Variants in DCAF8L2 observed in about 807,000 individuals in gnomAD.
DCAF8L2 encodes the protein DDB1- and CUL4-associated factor 8-like protein 2.
For synonymous variants in DCAF8L2, 200 were observed against 190.9 expected (o/e 1.05, Z -0.39); for missense variants, 430 against 490.7 (o/e 0.88, Z 1.17).
At chrX:27,515,460 A>T in the DCAF8L2 span, among the ~76,000 whole-genome samples, 1 of 111,837 alleles carries the variant, frequency 8.9e-6, no homozygotes, top group African/African-American at 3.3e-5. Context: ...CAGTAGAATC[A>T]CCTGAACCTG....
At chrX:27,489,786 C>T in the DCAF8L2 span, among the ~76,000 whole-genome samples, 2 of 112,509 alleles carry the variant, frequency 1.8e-5, no homozygotes, top group African/African-American at 6.5e-5. Context: ...GCTACTGTGA[C>T]TCCATATTTT....
chrX:27,731,187 G>A (rs751604400), intron 4 of DCAF8L2, among the ~76,000 whole-genome samples: 3 of 109,790 alleles, frequency 2.7e-5, no homozygotes, highest in Non-Finnish European at 3.8e-5. Context: ...CTCCTGAGGT[G>A]TAACTCCTGA....
chrX:27,685,826 CTATCCATCTGACA>C (rs1355368364), intron 3 of DCAF8L2, among the ~76,000 whole-genome samples: 1 of 111,809 alleles, frequency 8.9e-6, no homozygotes, highest in Non-Finnish European at 1.9e-5. Flanking sequence ...TATTTTCAAA[CTATCCATCTGACA>C]ATGGATTAAT....
At chrX:27,477,504 G>C in the DCAF8L2 span, among the ~76,000 whole-genome samples, 1 of 111,212 alleles carries the variant, frequency 9.0e-6, no homozygotes, top group African/African-American at 3.3e-5. Flanking sequence ...AGCCAGGATG[G>C]TCTCGATCTC....
At position 27,662,311 on chromosome X, in the gene DCAF8L2, A is replaced by G. The variant is rs112663139; in HGVS notation, c.-219-15525A>G. On this transcript the variant is annotated intron_variant, in intron 2 of 4. Transcript: ENST00000451261. The stretch of plus-strand genomic sequence containing the variant: ...AGCATCAAATCATAAAAATTAGTCT[A>G]TTTATTCTTAGGAAGAATATATATG... 7.5e-3 allele frequency among the ~76,000 whole-genome samples: 838 copies of G among 111,557 alleles called. 2 individuals are homozygous for G. Among genetic ancestry groups the G allele is most frequent in the African/African-American group, 0.025 (771 of 30,681 alleles).
chrX:27,489,614 A>G, the DCAF8L2 span, among the ~76,000 whole-genome samples: 3 of 112,370 alleles, frequency 2.7e-5, no homozygotes, highest in African/African-American at 9.7e-5. Context: ...TAATGCTCCC[A>G]TGACCTTCAT....
At chrX:27,732,016 T>G (rs951576320) in intron 4 of DCAF8L2, among the ~76,000 whole-genome samples, 2 of 111,111 alleles carry the variant, frequency 1.8e-5, no homozygotes, top group African/African-American at 6.6e-5. Context: ...TGTTGTTGTT[T>G]TTATTGTATA....
Position 27,631,905 on chromosome X carries a change from C to T in DCAF8L2, c.-315C>T, listed in dbSNP as rs887681135. The T allele has an allele frequency of 8.9e-6, 1 of 111,866 alleles. No homozygotes were observed. Among genetic ancestry groups the T allele is most frequent in the African/African-American group, 3.3e-5 (1 of 30,759 alleles). 9.2% of individuals were successfully genotyped at this position (111,866 alleles called of 1,213,427 possible). A position where few individuals can be genotyped will look rare whatever the true frequency, so the allele number is the denominator to read the frequency against. On this transcript the variant is annotated 5_prime_UTR_variant, in exon 2 of 5. Coordinates refer to ENST00000451261, the MANE Select transcript of DCAF8L2 (RefSeq NM_001353450.2). ...TTTTGGTATACTGAGCCTGGGGCTACTGGTGTCAGCCTGGTGGTAGTGCAG... is the reference window on the plus strand; with the variant it reads ...TTTTGGTATACTGAGCCTGGGGCTATTGGTGTCAGCCTGGTGGTAGTGCAG...
intron 1 of DCAF8L2, among the ~76,000 whole-genome samples, chrX:27,620,364 TAGAC>T (rs1927698402): frequency 9.0e-6 from 1 of 111,512 alleles, no homozygotes; most frequent in African/African-American, 3.3e-5. Context: ...AAAGAATAAA[TAGAC>T]AAATTAAACT....
At chrX:27,648,921 T>G (rs1268728454) in intron 2 of DCAF8L2, among the ~76,000 whole-genome samples, 1 of 112,132 alleles carries the variant, frequency 8.9e-6, no homozygotes, top group Non-Finnish European at 1.9e-5. Flanking sequence ...GGGTTAGTAC[T>G]GTATATTGGC....
chrX:27,641,858 A>G (rs975766851), intron 2 of DCAF8L2, among the ~76,000 whole-genome samples: 6 of 105,148 alleles, frequency 5.7e-5, no homozygotes, highest in African/African-American at 2.1e-4. Flanking sequence ...TCTCTTTATC[A>G]CTAGTTTCAA....
At chrX:27,606,269 G>T (rs1190861303) in intron 1 of DCAF8L2, among the ~76,000 whole-genome samples, 11 of 76,159 alleles carry the variant, frequency 1.4e-4, no homozygotes, top group African/African-American at 3.6e-4. Context: ...TATATATATA[G>T]GAATTATATA....
chrX:27,706,648 G>A (rs1197907240), intron 3 of DCAF8L2, among the ~76,000 whole-genome samples: 1 of 111,802 alleles, frequency 8.9e-6, no homozygotes, highest in African/African-American at 3.3e-5. Flanking sequence ...TGGCAAGGAC[G>A]TGGAGAAATT....
At chrX:27,533,344 C>T in the DCAF8L2 span, among the ~76,000 whole-genome samples, 5 of 109,291 alleles carry the variant, frequency 4.6e-5, no homozygotes, top group Admixed American at 2.0e-4. Context: ...AGTTCAAGGC[C>T]GCAGTGAGCT....
the DCAF8L2 span, among the ~76,000 whole-genome samples, chrX:27,541,445 C>T: frequency 2.8e-5 from 3 of 107,752 alleles, no homozygotes; most frequent in Non-Finnish European, 5.7e-5. Context: ...TCTCAGCTCA[C>T]GGCAACCTCC....
chrX:27,471,655 C>T, the DCAF8L2 span, among the ~76,000 whole-genome samples: 1 of 111,701 alleles, frequency 9.0e-6, no homozygotes, highest in Admixed American at 9.6e-5. Flanking sequence ...TCTTCATACT[C>T]TAACATTACC....
rs773661469 is a variant in DCAF8L2, at chrX:27,747,324, GGAGGAA to G, written c.432_437del (p.Glu146_Glu147del). 5.9e-5 allele frequency: 64 copies of G among 1,076,655 alleles called. No homozygotes were observed. The highest frequency in any genetic ancestry group is 4.0e-4 in the Admixed American group (13 of 32,879). The allele number at this position is 1,076,655 out of a possible 1,213,427, so 88.7% of individuals were successfully genotyped here. On this transcript the variant is annotated inframe_deletion, in exon 5 of 5. Coordinates refer to ENST00000451261, the MANE Select transcript of DCAF8L2 (RefSeq NM_001353450.2). ...AGGAGGAGGAGGAGGAGGAGGAGGA[GGAGGAA>G]GAAGAACAGCCTCGGGCGGGTCCAC...
intron 4 of DCAF8L2, among the ~76,000 whole-genome samples, chrX:27,743,755 C>G (rs373683913): frequency 4.9e-5 from 5 of 101,155 alleles, no homozygotes; most frequent in African/African-American, 1.9e-4. Context: ...ATTTTTGAGA[C>G]AGGGTCTCAC....
intron 4 of DCAF8L2, among the ~76,000 whole-genome samples, chrX:27,730,977 A>G (rs1434962550): frequency 9.0e-6 from 1 of 111,263 alleles, no homozygotes; most frequent in Non-Finnish European, 1.9e-5. Context: ...ACAAATGTTA[A>G]AATATTTAGA....
Sources: allele counts gnomAD v4.1 joint callset (sites outside exome capture counted in the v4.1 genomes callset), GRCh38; gene constraint gnomAD v4.1.1; transcripts MANE v1.5; gene names NCBI Gene and HGNC (gene_info 2026-07-23, HGNC 2026-07-21).